Variants in ASPH observed in about 807,000 individuals in gnomAD.
ASPH encodes the protein aspartate beta-hydroxylase, also known as aspartyl/asparaginyl beta-hydroxylase.
Under a neutral mutation model 118.4 loss-of-function variants are expected in ASPH, and 100 were observed. That is an observed-to-expected ratio of 0.84 (90% CI 0.72 to 1.00). ASPH has a LOEUF of 1.00. ASPH is among the 50% of genes least tolerant of loss of function. The pLI, the probability that ASPH is intolerant of heterozygous loss-of-function variation, is 0.00. For synonymous variants in ASPH, 315 were observed against 325.6 expected (o/e 0.97, Z 0.35); for missense variants, 920 against 919.5 (o/e 1.00, Z -0.01).
intron 14 of ASPH, among the ~76,000 whole-genome samples, chr8:61,594,615 A>T (rs767192779): frequency 1.3e-5 from 2 of 152,214 alleles, no homozygotes; most frequent in Non-Finnish European, 2.9e-5. Context: ...AATACAATAC[A>T]ATAAGGTATT....
chr8:61,632,379 A>G (rs1259021856), intron 13 of ASPH, among the ~76,000 whole-genome samples: 1 of 152,248 alleles, frequency 6.6e-6, no homozygotes, highest in African/African-American at 2.4e-5. Flanking sequence ...ATTTTTAGGA[A>G]TATAAAATAA....
chr8:61,520,785 T>C (rs1009020370), intron 22 of ASPH, among the ~76,000 whole-genome samples: 2 of 152,192 alleles, frequency 1.3e-5, no homozygotes, highest in African/African-American at 2.4e-5. Context: ...GGAACAACCA[T>C]AGGTGGCCTG....
At chr8:61,676,142 T>C (rs760095157) in intron 3 of ASPH, 3 of 1,599,470 alleles carry the variant, frequency 1.9e-6, no homozygotes, top group Admixed American at 3.3e-5. Flanking sequence ...TGACGTACCA[T>C]CAACACCATC....
At chr8:61,512,232 A>G (rs551900230) in intron 24 of ASPH, among the ~76,000 whole-genome samples, 3 of 152,290 alleles carry the variant, frequency 2.0e-5, no homozygotes, top group African/African-American at 7.2e-5. Context: ...CGATAGATCC[A>G]TCTGGAACCT....
intron 13 of ASPH, among the ~76,000 whole-genome samples, chr8:61,619,835 T>C (rs770753890): frequency 6.6e-6 from 1 of 152,306 alleles, no homozygotes; most frequent in Middle Eastern, 3.4e-3. Flanking sequence ...GGAACTTATC[T>C]GTTCTTTGTG....
chr8:61,658,381 G>C (rs188516389), intron 3 of ASPH: 1 of 152,358 alleles, frequency 6.6e-6, no homozygotes, highest in Non-Finnish European at 1.5e-5. Context: ...CCAAGAGCCT[G>C]GTTTCAGCAC....
At chr8:61,677,077 T>A (rs1004052853) in intron 3 of ASPH, among the ~76,000 whole-genome samples, 4 of 152,140 alleles carry the variant, frequency 2.6e-5, no homozygotes, top group African/African-American at 7.2e-5. Context: ...TGCCTACCGA[T>A]ATGAAATGTG....
chr8:61,675,818 C>T (rs1347679780), intron 3 of ASPH: 1 of 1,280,504 alleles, frequency 7.8e-7, no homozygotes. Context: ...ATTATACCAC[C>T]AAGAACATCA....
rs3802288 is a variant in ASPH at position 61,562,538 on chromosome 8, T to A, written c.1437+206A>T. Among the ~76,000 whole-genome samples the A allele has an allele frequency of 0.092, 14,029 of 152,094 alleles. 914 individuals are homozygous for A. The highest frequency in any genetic ancestry group is 0.28 in the East Asian group (1,430 of 5,176). ...CACAATTATAAGTTGAAGGCTTTAA[T>A]GTACTAAGTGTTAACTAAGATTTAA... On this transcript the variant is annotated intron_variant, in intron 18 of 24. Transcript: ENST00000379454.
In ASPH at chr8:61,576,790, T is replaced by C. The variant is rs770532402; in HGVS notation, c.1131A>G (p.Ala377=). The C allele has an allele frequency of 6.2e-7, 1 of 1,609,342 alleles. No homozygotes were observed. The highest frequency in any genetic ancestry group is 8.5e-7 in the Non-Finnish European group (1 of 1,177,276). Residue 377 remains alanine, a synonymous_variant, in exon 16 of 25, where the codon GCA becomes GCG. Coordinates refer to ENST00000379454, the MANE Select transcript of ASPH (RefSeq NM_004318.4). ...LVRKYPQSPR[A]RYGKAQCEDD... is the part of the protein sequence containing the mutation. ...AGAATACCTGCGCCTTCCCATATCT[T>C]GCTCGTGGACTCTGAGGGTATTTGC...
intron 13 of ASPH, chr8:61,626,316 A>G (rs774777251): frequency 1.3e-6 from 2 of 1,521,694 alleles, no homozygotes; most frequent in East Asian, 2.5e-5. Flanking sequence ...TTAAAGGACC[A>G]ACCAGACACA....
chr8:61,700,974 T>C (rs1372615486), intron 1 of ASPH, among the ~76,000 whole-genome samples: 1 of 152,220 alleles, frequency 6.6e-6, no homozygotes, highest in Admixed American at 6.5e-5. Context: ...ATACATTCCC[T>C]GAGATTTAAC....
intron 3 of ASPH, chr8:61,662,917 A>G: frequency 1.0e-6 from 1 of 984,888 alleles, no homozygotes; most frequent in South Asian, 4.7e-5. Flanking sequence ...TTTAGAATTT[A>G]GTATTTATGT....
intron 1 of ASPH, 150 bp downstream of exon 1, chr8:61,714,119 T>C (rs914268798): frequency 8.2e-7 from 1 of 1,224,832 alleles, no homozygotes; most frequent in Non-Finnish European, 1.0e-6. Context: ...GAATGCGGCC[T>C]CCGCCCCGCG....
At chr8:61,586,291 A>G (rs1327274447) in intron 14 of ASPH, among the ~76,000 whole-genome samples, 1 of 152,236 alleles carries the variant, frequency 6.6e-6, no homozygotes, top group Non-Finnish European at 1.5e-5. Context: ...GCTGAGCTAC[A>G]AACCAACTAG....
At chr8:61,627,213 T>C (rs1853311154) in intron 13 of ASPH, among the ~76,000 whole-genome samples, 1 of 152,164 alleles carries the variant, frequency 6.6e-6, no homozygotes, top group Non-Finnish European at 1.5e-5. Flanking sequence ...AAAAAACTCA[T>C]TGTGTCCATT....
At chr8:61,583,657 A>G (rs1019148348) in intron 15 of ASPH, 1 of 278,458 alleles carries the variant, frequency 3.6e-6, no homozygotes, top group African/African-American at 2.2e-5. Context: ...TAACGCCCAG[A>G]AGAGCCAAGT....
At chr8:61,606,130 T>C (rs541999411) in intron 14 of ASPH, among the ~76,000 whole-genome samples, 3 of 152,306 alleles carry the variant, frequency 2.0e-5, no homozygotes, top group South Asian at 2.1e-4. Context: ...AGAATGCACA[T>C]GTATGCTCAC....
chr8:61,515,965 C>T (rs991116519), intron 24 of ASPH, among the ~76,000 whole-genome samples: 4 of 152,194 alleles, frequency 2.6e-5, no homozygotes, highest in Non-Finnish European at 5.9e-5. Context: ...CCCATGGGTT[C>T]CACAGTAACT....
Sources: allele counts gnomAD v4.1 joint callset (sites outside exome capture counted in the v4.1 genomes callset), GRCh38; gene constraint gnomAD v4.1.1; transcripts MANE v1.5; gene names NCBI Gene and HGNC (gene_info 2026-07-23, HGNC 2026-07-21).